Variants in SENP7 observed in about 807,000 individuals in gnomAD.
SENP7 encodes sentrin-specific protease 7.
Under a neutral mutation model 141.2 loss-of-function variants are expected in SENP7, and 64 were observed. That is an observed-to-expected ratio of 0.45 (90% CI 0.37 to 0.56). SENP7 has a LOEUF of 0.56. Among genes scored for constraint, SENP7 ranks in the 20% least tolerant of loss-of-function variants. The pLI is 0.00. For synonymous variants in SENP7, 382 were observed against 426.4 expected (o/e 0.90, Z 1.28); for missense variants, 1,025 against 1,212.2 (o/e 0.85, Z 2.29).
intron 2 of SENP7, among the ~76,000 whole-genome samples, chr3:101,498,930 G>A (rs563438525): frequency 2.0e-5 from 3 of 152,208 alleles, no homozygotes; most frequent in African/African-American, 4.8e-5. Context: ...CCATCTTCCC[G>A]ACCCCTGTCC....
At chr3:101,397,282 C>T (rs140210216) in intron 6 of SENP7, among the ~76,000 whole-genome samples, 1 of 152,264 alleles carries the variant, frequency 6.6e-6, no homozygotes, top group Admixed American at 6.5e-5. Flanking sequence ...CAAGCATGCA[C>T]CATCACATCT....
At chr3:101,391,170 T>C (rs2060804624) in intron 6 of SENP7, among the ~76,000 whole-genome samples, 2 of 151,732 alleles carry the variant, frequency 1.3e-5, no homozygotes, top group South Asian at 4.1e-4. Context: ...AACCAAATGA[T>C]GCATCTCAAA....
chr3:101,443,547 G>T (rs1430171937), intron 4 of SENP7, among the ~76,000 whole-genome samples: 1 of 151,740 alleles, frequency 6.6e-6, no homozygotes, highest in Admixed American at 6.6e-5. Flanking sequence ...GGGCGGTATG[G>T]TCATTTTCAC....
At chr3:101,447,786 G>GA (rs139130488) in intron 4 of SENP7, among the ~76,000 whole-genome samples, 26,392 of 148,650 alleles carry the variant, frequency 0.18, 2,895 homozygotes, top group Non-Finnish European at 0.24. Flanking sequence ...AAAAAATCTT[G>GA]AAAAAAAAAT....
At position 101,500,615 on chromosome 3, in the gene SENP7, A is replaced by T. The variant is rs139372429; in HGVS notation, c.90+455T>A. On this transcript the variant is annotated intron_variant, in intron 2 of 23. Transcript: ENST00000394095. ...TAAAACACTTCCTATATAGGTAGAA[A>T]CTTCGTTTTGTTTGTTTTGCTACTC... Among the ~76,000 whole-genome samples, 898 of 152,302 alleles carry T rather than the reference A, an allele frequency of 5.9e-3. 6 individuals are homozygous for T. The highest frequency in any genetic ancestry group is 0.02 in the Middle Eastern group (6 of 294).
Position 101,493,974 on chromosome 3 carries a change from A to T in SENP7, c.91-6T>A. ...GCATTTAACATCTTTCTTATCTGAA[A>T]ATAGGATGAGAAAATAATTAGTTTA... On this transcript the variant is annotated splice_region_variant and splice_polypyrimidine_tract_variant and intron_variant, in intron 2 of 23. Coordinates refer to ENST00000394095, the MANE Select transcript of SENP7 (RefSeq NM_020654.5). The T allele has an allele frequency of 6.4e-7, 1 of 1,556,428 alleles. No individual in the cohort carries two copies.
intron 10 of SENP7, among the ~76,000 whole-genome samples, chr3:101,362,658 T>C (rs138364290): frequency 3.4e-4 from 52 of 152,286 alleles, no homozygotes; most frequent in Non-Finnish European, 6.3e-4. Flanking sequence ...TGTTCCCATC[T>C]TTATGCCTGT....
chr3:101,395,928 C>T (rs1008899073), intron 6 of SENP7, among the ~76,000 whole-genome samples: 1 of 152,222 alleles, frequency 6.6e-6, no homozygotes, highest in African/African-American at 2.4e-5. Context: ...CTACTAACTT[C>T]CTGGCATTAT....
At chr3:101,474,698 A>G (rs1330119843) in intron 3 of SENP7, among the ~76,000 whole-genome samples, 1 of 152,098 alleles carries the variant, frequency 6.6e-6, no homozygotes, top group Admixed American at 6.6e-5. Flanking sequence ...TGTCCTGGCC[A>G]GGACTTCCAA....
intron 17 of SENP7, among the ~76,000 whole-genome samples, chr3:101,334,770 G>A (rs532892814): frequency 1.9e-4 from 29 of 152,206 alleles, no homozygotes; most frequent in Non-Finnish European, 7.4e-5. Context: ...TTGGTATTTG[G>A]TCGATTTCCT....
At chr3:101,444,383 C>T (rs977854904) in intron 4 of SENP7, among the ~76,000 whole-genome samples, 2 of 151,854 alleles carry the variant, frequency 1.3e-5, no homozygotes, top group African/African-American at 4.8e-5. Context: ...CCAGCCATCC[C>T]ATTACTGGGT....
intron 3 of SENP7, among the ~76,000 whole-genome samples, chr3:101,467,037 T>C (rs536607665): frequency 3.2e-4 from 49 of 152,226 alleles, no homozygotes; most frequent in Non-Finnish European, 5.1e-4. Flanking sequence ...TCTCTCCCCG[T>C]GCCTGGCTCG....
chr3:101,330,436 A>G (rs1305076352), intron 19 of SENP7, 50 bp from the exon 20 acceptor site: 32 of 1,271,730 alleles, frequency 2.5e-5, no homozygotes, highest in Non-Finnish European at 3.5e-5. Context: ...ATGTTTTTAT[A>G]CAGGTAACTT....
At chr3:101,361,447 A>T (rs2059899615) in intron 11 of SENP7, among the ~76,000 whole-genome samples, 1 of 152,144 alleles carries the variant, frequency 6.6e-6, no homozygotes, top group Non-Finnish European at 1.5e-5. Flanking sequence ...TTACCATCAA[A>T]TAACTTTTAG....
intron 6 of SENP7, among the ~76,000 whole-genome samples, chr3:101,383,833 T>G (rs914747857): frequency 3.3e-5 from 5 of 152,180 alleles, no homozygotes; most frequent in Non-Finnish European, 5.9e-5. Flanking sequence ...GGCAGACCAG[T>G]TCCTGGGCAG....
chr3:101,361,661 A>C, intron 11 of SENP7, 54 bp downstream of exon 11: 3 of 1,453,948 alleles, frequency 2.1e-6, no homozygotes, highest in Non-Finnish European at 2.7e-6. Context: ...GAAAAAAATT[A>C]AAATGCCTTG....
chr3:101,337,394 A>C (rs2317689), intron 17 of SENP7, 115 bp downstream of exon 17: 269,316 of 650,270 alleles, frequency 0.41, 57,449 homozygotes, highest in East Asian at 0.56. Context: ...CCAGGACCTG[A>C]ACAAATGGTA....
intron 4 of SENP7, among the ~76,000 whole-genome samples, chr3:101,446,984 C>A (rs550699629): frequency 1.3e-5 from 2 of 151,838 alleles, no homozygotes; most frequent in Admixed American, 1.3e-4. Context: ...AAAAATAAAA[C>A]TGATATACCA....
intron 5 of SENP7, among the ~76,000 whole-genome samples, chr3:101,407,514 C>T (rs534924075): frequency 6.6e-6 from 1 of 152,260 alleles, no homozygotes; most frequent in South Asian, 2.1e-4. Flanking sequence ...GACCTTTCTC[C>T]AAGACAGACC....
Sources: gnomAD v4.1 joint callset for allele counts (sites outside exome capture counted in the v4.1 genomes callset) on GRCh38, gnomAD v4.1.1 for gene constraint, MANE v1.5 for transcripts, NCBI Gene and HGNC (gene_info 2026-07-23, HGNC 2026-07-21) for gene names.